Variants in BMPR2 observed in about 807,000 individuals in gnomAD.
BMPR2 encodes bone morphogenetic protein receptor type-2.
BMPR2 carries 29 observed loss-of-function variants against 100.8 expected under a neutral mutation model. That is an observed-to-expected ratio of 0.29 (90% CI 0.21 to 0.39). BMPR2 has a LOEUF of 0.39. BMPR2 is among the 10% of genes least tolerant of loss of function. The probability of loss-of-function intolerance (pLI) is 1.00; values close to 1 mark genes in which losing one functional copy is unlikely to be tolerated. For missense variants in BMPR2, 1,011 were observed against 1,274.5 expected, an observed-to-expected ratio of 0.79 and a Z score of 3.15; for synonymous variants, 382 against 442.3, an observed-to-expected ratio of 0.86 and a Z score of 1.71.
In BMPR2 at chr2:202,555,574, G is replaced by T; in HGVS notation, c.1909G>T (p.Glu637Ter). 1 of 1,614,096 alleles carries T rather than the reference G, an allele frequency of 6.2e-7. No homozygotes were observed. The highest frequency in any genetic ancestry group is 8.5e-7 in the Non-Finnish European group (1 of 1,180,036). Residue 637 changes from glutamate (E) to a stop codon, truncating the protein, a stop_gained, in exon 12 of 13, where the codon GAA (glutamate) becomes TAA (stop). Coordinates refer to ENST00000374580, the MANE Select transcript of BMPR2 (RefSeq NM_001204.7). LOFTEE classifies it high-confidence loss of function. Reference protein sequence around the residue: ...TTISEMPYPDETNLHTTNVAQ... With the variant: ...TTISEMPYPD The stretch of plus-strand genomic sequence containing the variant: ...TATATCTGAGATGCCATACCCAGAT[G>T]AAACAAATCTGCATACCACAAATGT...
intron 1 of BMPR2, among the ~76,000 whole-genome samples, chr2:202,398,214 C>T: frequency 6.6e-6 from 1 of 151,774 alleles, no homozygotes; most frequent in South Asian, 2.1e-4. Flanking sequence ...TTACTGTGAT[C>T]TACTTAAATG....
Position 202,384,955 on chromosome 2 carries a change from G to C in BMPR2, c.76+7405G>C, listed in dbSNP as rs556855547. 8.5e-5 allele frequency among the ~76,000 whole-genome samples: 13 copies of C among 152,096 alleles called. No individual in the cohort carries two copies. In the Middle Eastern group the frequency reaches 0.01, roughly 119 times the overall value. On this transcript the variant is annotated intron_variant, in intron 1 of 12. Transcript: ENST00000374580. ...CCTTTCTCCTTCAAGACAGTAGTTT[G>C]CCCTTATAATTGGTGTCAAAAATGT...
At position 202,439,508 on chromosome 2, in the gene BMPR2, TCAAA is replaced by T. The variant is rs989754153; in HGVS notation, c.77-25298_77-25295del. Among the ~76,000 whole-genome samples the T allele has an allele frequency of 7.4e-5, 11 of 149,380 alleles. 2 individuals carry two copies. The highest frequency in any genetic ancestry group is 2.0e-4 in the African/African-American group (8 of 39,276). ...TGCAGAATACAAGACCATGCCATCT[TCAAA>T]CAGAGATGACTTGACTTCTTCCTTT... On this transcript the variant is annotated intron_variant, in intron 1 of 12. Transcript: ENST00000374580.
intron 10 of BMPR2, among the ~76,000 whole-genome samples, chr2:202,544,563 C>T (rs980316718): frequency 3.3e-5 from 5 of 151,856 alleles, no homozygotes; most frequent in East Asian, 1.9e-4. Flanking sequence ...CTTTTTGTTT[C>T]GTTATGTTTT....
intron 3 of BMPR2, among the ~76,000 whole-genome samples, chr2:202,482,293 A>G (rs1234438058): frequency 6.6e-6 from 1 of 152,338 alleles, no homozygotes; most frequent in South Asian, 2.1e-4. Context: ...AGGTATACAA[A>G]TATCTCTTTG....
chr2:202,465,809 C>T (rs569335688), intron 2 of BMPR2, among the ~76,000 whole-genome samples: 2 of 152,038 alleles, frequency 1.3e-5, no homozygotes, highest in African/African-American at 4.8e-5. Flanking sequence ...GCCGAGATCG[C>T]ACCACTGCAC....
At chr2:202,458,644 T>C (rs1692168939) in intron 1 of BMPR2, among the ~76,000 whole-genome samples, 1 of 151,830 alleles carries the variant, frequency 6.6e-6, no homozygotes, top group Admixed American at 6.6e-5. Flanking sequence ...GGTGATTGTT[T>C]CTTTAATGTG....
At chr2:202,423,373 T>C (rs1325422879) in intron 1 of BMPR2, among the ~76,000 whole-genome samples, 1 of 152,226 alleles carries the variant, frequency 6.6e-6, no homozygotes. Flanking sequence ...AGATCAGAAC[T>C]TGGCTCCCAC....
chr2:202,453,864 C>T (rs931420670), intron 1 of BMPR2, among the ~76,000 whole-genome samples: 11 of 152,080 alleles, frequency 7.2e-5, no homozygotes, highest in African/African-American at 2.4e-4. Context: ...TAAGGGGATG[C>T]ATATGCCATT....
chr2:202,458,568 A>G (rs1000866004), intron 1 of BMPR2, among the ~76,000 whole-genome samples: 2 of 152,100 alleles, frequency 1.3e-5, no homozygotes, highest in African/African-American at 2.4e-5. Flanking sequence ...TATTCTGTCA[A>G]ATTGTCCTCT....
At chr2:202,460,456 A>AT (rs1692204518) in intron 1 of BMPR2, among the ~76,000 whole-genome samples, 1 of 152,202 alleles carries the variant, frequency 6.6e-6, no homozygotes, top group African/African-American at 2.4e-5. Context: ...CTTTAAGAAT[A>AT]TTTTTTAAAC....
chr2:202,377,512 G>C lies in BMPR2; in HGVS notation c.38G>C (p.Trp13Ser). ...SSLQRPWRVP[W>S]LPWTILLVST... is the part of the protein sequence containing the mutation. ...CTGCAGCGGCCCTGGCGGGTGCCCT[G>C]GCTACCATGGACCATCCTGCTGGTC... is the stretch of plus-strand genomic sequence containing the variant. The change falls in exon 1 of 13, where the codon TGG becomes TCG. Residue 13 changes from tryptophan to serine, a missense_variant. Trp to Ser is a radical substitution (Grantham distance 177, BLOSUM62 -3). Around this residue, in one of 6 missense-constraint regions of BMPR2, gnomAD observed 355 missense variants for 455.3 expected, o/e 0.78. Coordinates refer to ENST00000374580, the MANE Select transcript of BMPR2 (RefSeq NM_001204.7). 6.2e-7 allele frequency: 1 copy of C among 1,614,248 alleles called. No individual in the cohort carries two copies. The highest frequency in any genetic ancestry group is 8.5e-7 in the Non-Finnish European group (1 of 1,180,050).
At chr2:202,423,263 A>T (rs1200815501) in intron 1 of BMPR2, among the ~76,000 whole-genome samples, 1 of 152,220 alleles carries the variant, frequency 6.6e-6, no homozygotes, top group African/African-American at 2.4e-5. Context: ...ATAGAAAAGC[A>T]AAGTGTTCTA....
At position 202,565,576 on chromosome 2, in the gene BMPR2, T is replaced by G. The variant is rs1204157181; in HGVS notation, c.*5630T>G. The G allele has an allele frequency of 6.6e-6, 1 of 152,596 alleles. No individual in the cohort carries two copies. The highest frequency in any genetic ancestry group is 1.5e-5 in the Non-Finnish European group (1 of 68,018). The allele number at this position is 152,596 out of a possible 1,614,324, so 9.5% of individuals were successfully genotyped here. ...TAACTAAAAAGCCATGCACACAGAA[T>G]TGTATATCATTTTGCCATTAAAATT... is the stretch of plus-strand genomic sequence containing the variant. On this transcript the variant is annotated 3_prime_UTR_variant, in exon 13 of 13. Transcript: ENST00000374580.
intron 7 of BMPR2, among the ~76,000 whole-genome samples, chr2:202,526,767 A>G (rs977188736): frequency 2.6e-5 from 4 of 152,248 alleles, no homozygotes; most frequent in African/African-American, 7.2e-5. Context: ...GTTACTCTGA[A>G]ACATTAGCTA....
chr2:202,463,120 A>G (rs1349772312), intron 1 of BMPR2, among the ~76,000 whole-genome samples: 1 of 152,172 alleles, frequency 6.6e-6, no homozygotes, highest in African/African-American at 2.4e-5. Flanking sequence ...ATTTATAAAT[A>G]TGTAAATATT....
At chr2:202,522,166 CA>C (rs965602622) in intron 7 of BMPR2, among the ~76,000 whole-genome samples, 10 of 145,558 alleles carry the variant, frequency 6.9e-5, no homozygotes, top group Non-Finnish European at 1.1e-4. Flanking sequence ...CTCAAAAAAA[CA>C]AAAAAACGAA....
chr2:202,462,643 T>TA (rs934494632), intron 1 of BMPR2, among the ~76,000 whole-genome samples: 1 of 151,704 alleles, frequency 6.6e-6, no homozygotes, highest in Non-Finnish European at 1.5e-5. Flanking sequence ...TTTTTTTTTT[T>TA]AACTATACTT....
chr2:202,481,775 A>C (rs1692664243), intron 3 of BMPR2, among the ~76,000 whole-genome samples: 1 of 152,202 alleles, frequency 6.6e-6, no homozygotes, highest in Non-Finnish European at 1.5e-5. Flanking sequence ...TTTCTGTCTT[A>C]GTCAAGACAG....
Sources: allele counts gnomAD v4.1 joint callset (sites outside exome capture counted in the v4.1 genomes callset), GRCh38; gene constraint gnomAD v4.1.1; regional missense constraint gnomAD v4.1.1; transcripts MANE v1.5; gene names NCBI Gene and HGNC (gene_info 2026-07-23, HGNC 2026-07-21).